ELP2: variants seen among roughly 807,000 people sequenced by gnomAD.
ELP2 encodes the protein elongator complex protein 2.
Under a neutral mutation model 119.2 loss-of-function variants are expected in ELP2, and 90 were observed. The observed-to-expected ratio is 0.75, with a 90% CI of 0.64 to 0.90. The LOEUF (loss-of-function observed/expected upper bound fraction) is 0.90, where lower values mean the gene tolerates loss of function less well. Among genes scored for constraint, ELP2 ranks in the 40% least tolerant of loss-of-function variants. The pLI is 0.00. For missense variants in ELP2, 921 were observed against 967.8 expected (o/e 0.95, Z 0.64); for synonymous variants, 339 against 331.0 (o/e 1.02, Z -0.26).
At chr18:36,171,209 G>A (rs1441745388) in intron 21 of ELP2, 49 bp downstream of exon 21, 1 of 1,320,722 alleles carries the variant, frequency 7.6e-7, no homozygotes, top group East Asian at 2.4e-5. Flanking sequence ...GAAATTGTGG[G>A]GTCTTTCATG....
chr18:36,175,989 CTG>C lies in ELP2; in HGVS notation c.*1352_*1353del. ...GTCAGTGCTATACAATATTTCTAAT[CTG>C]TGTTTTATAGTGTGAGCTACATATG... On this transcript the variant is annotated 3_prime_UTR_variant, in exon 22 of 22. Coordinates refer to ENST00000358232, the MANE Select transcript of ELP2 (RefSeq NM_018255.4). 1 of 152,176 alleles carries C rather than the reference CTG, an allele frequency of 6.6e-6. No individual in the cohort carries two copies. Among genetic ancestry groups the C allele is most frequent in the South Asian group, 2.1e-4 (1 of 4,802 alleles). The allele number at this position is 152,176 out of a possible 1,614,324, so 9.4% of individuals were successfully genotyped here. A position where few individuals can be genotyped will look rare whatever the true frequency, so the allele number is the denominator to read the frequency against.
chr18:36,133,453 G>A, intron 2 of ELP2, 137 bp downstream of exon 2: 2 of 712,690 alleles, frequency 2.8e-6, no homozygotes, highest in Non-Finnish European at 5.1e-6. Context: ...AAGAAAAATG[G>A]TATTCCCAGT....
chr18:36,133,276 C>T lies in ELP2; in HGVS notation c.177C>T (p.Ala59=). The T allele has an allele frequency of 1.2e-6, 2 of 1,613,950 alleles. No homozygotes were observed. Among genetic ancestry groups the T allele is most frequent in the South Asian group, 1.1e-5 (1 of 91,072 alleles). Residue 59 remains alanine (A), a synonymous_variant, in exon 2 of 22, where the codon GCC becomes GCT. Coordinates refer to ENST00000358232, the MANE Select transcript of ELP2 (RefSeq NM_018255.4). The part of the protein sequence containing the change: ...VVVTNLNGHT[A]RVNCIQWICK... ...TTACCAACTTGAATGGTCACACCGC[C>T]CGAGTCAATTGCATACAGTGGATTT...
intron 16 of ELP2, 127 bp downstream of exon 16, chr18:36,160,142 T>G (rs1390423649): frequency 1.2e-6 from 1 of 801,246 alleles, no homozygotes; most frequent in African/African-American, 1.7e-5. Flanking sequence ...CTTCTATATA[T>G]CTCTTAGTGG....
At chr18:36,172,489 G>T (rs1362429304) in intron 21 of ELP2, among the ~76,000 whole-genome samples, 1 of 152,172 alleles carries the variant, frequency 6.6e-6, no homozygotes, top group African/African-American at 2.4e-5. Flanking sequence ...AAGCATGTTA[G>T]TGCTCATTAT....
chr18:36,174,729 AGTTTCTGG>A lies in ELP2; in HGVS notation c.*93_*100del, dbSNP rs1045604662. On this transcript the variant is annotated 3_prime_UTR_variant, in exon 22 of 22. Transcript: ENST00000358232. ...CATCTTTACCTTCATAACTGAATTG[AGTTTCTGG>A]GTTTTTTTTTTTTTTGAGATGGAGT... The A allele has an allele frequency of 4.1e-5, 53 of 1,289,798 alleles. No homozygotes were observed. The highest frequency in any genetic ancestry group is 4.7e-5 in the Non-Finnish European group (44 of 926,522). The allele number at this position is 1,289,798 out of a possible 1,614,324, so 79.9% of individuals were successfully genotyped here.
rs2091268769 is a variant in ELP2, at chr18:36,178,350, G to C, written c.*3709G>C. 1 of 152,174 alleles carries C rather than the reference G, an allele frequency of 6.6e-6. No homozygotes were observed. Among genetic ancestry groups the C allele is most frequent in the African/African-American group, 2.4e-5 (1 of 41,432 alleles). The allele number at this position is 152,174 out of a possible 1,614,324, so 9.4% of individuals were successfully genotyped here. A position where few individuals can be genotyped will look rare whatever the true frequency, so the allele number is the denominator to read the frequency against. On this transcript the variant is annotated 3_prime_UTR_variant, in exon 22 of 22. Coordinates refer to ENST00000358232, the MANE Select transcript of ELP2 (RefSeq NM_018255.4). ...TAAGTGGTTACCAGGGGCTGGGAATGGGGAGAGGAGTGACTACAGAGGGAC... is the reference window on the plus strand; with the variant it reads ...TAAGTGGTTACCAGGGGCTGGGAATCGGGAGAGGAGTGACTACAGAGGGAC...
chr18:36,146,352 C>A lies in ELP2; in HGVS notation c.1096C>A (p.His366Asn). 6.2e-7 allele frequency: 1 copy of A among 1,614,026 alleles called. No homozygotes were observed. The highest frequency in any genetic ancestry group is 1.1e-5 in the South Asian group (1 of 91,070). The change falls in exon 11 of 22, where the codon CAC becomes AAC. Residue 366 changes from histidine (H) to asparagine (N), a missense_variant. Physicochemically the swap from His to Asn is moderately conservative, Grantham distance 68. Transcript: ENST00000358232. ...IIAHAFHGALHLWKQNTVNPR... is the reference protein window; with the variant it reads ...IIAHAFHGALNLWKQNTVNPR... The stretch of plus-strand genomic sequence containing the variant: ...TGCTCATGCTTTCCACGGAGCGTTG[C>A]ACCTTTGGAAACAGAATACAGTTAA...
At position 36,171,073 on chromosome 18, in the gene ELP2, G is replaced by C; in HGVS notation, c.2237G>C (p.Cys746Ser). The C allele has an allele frequency of 6.2e-7, 1 of 1,613,836 alleles. No individual in the cohort carries two copies. The highest frequency in any genetic ancestry group is 8.5e-7 in the Non-Finnish European group (1 of 1,179,664). Residue 746 changes from cysteine (C) to serine (S), a missense_variant, in exon 21 of 22, where the codon TGT (cysteine) becomes TCT (serine). By Grantham distance (112) the Cys-to-Ser change is moderately radical. Transcript: ENST00000358232. Reference sequence around the variant, plus strand: ...TACGTGGTTGCAGTAGGATTGGAGTGTGGAAAGATTTGCTTATATACCTGG... The same window carrying C: ...TACGTGGTTGCAGTAGGATTGGAGTCTGGAAAGATTTGCTTATATACCTGG... ...QRYVVAVGLE[C>S]GKICLYTWKK...
chr18:36,138,157 AACTTAGAGG>A, intron 3 of ELP2, 104 bp from the exon 4 acceptor site: 1 of 1,059,670 alleles, frequency 9.4e-7, no homozygotes, highest in Non-Finnish European at 1.4e-6. Flanking sequence ...AATTCTTTTC[AACTTAGAGG>A]ACCTATTTCT....
intron 11 of ELP2, among the ~76,000 whole-genome samples, chr18:36,153,135 C>T (rs1568001291): frequency 2.0e-5 from 3 of 152,236 alleles, no homozygotes; most frequent in Non-Finnish European, 4.4e-5. Flanking sequence ...TTATAGATAA[C>T]AGTGACCAAG....
chr18:36,155,557 CA>C (rs971695891), intron 12 of ELP2, among the ~76,000 whole-genome samples: 3 of 152,108 alleles, frequency 2.0e-5, no homozygotes, highest in African/African-American at 7.2e-5. Context: ...CTCTGGAAAA[CA>C]GTTGGACATT....
intron 3 of ELP2, 108 bp from the exon 4 acceptor site, chr18:36,138,162 A>G (rs2089897854): frequency 9.0e-7 from 1 of 1,114,716 alleles, no homozygotes; most frequent in South Asian, 1.4e-5. Flanking sequence ...TTTTCAACTT[A>G]GAGGACCTAT....
chr18:36,145,765 ATACCACAACCCAT>A (rs1428688949), intron 9 of ELP2, among the ~76,000 whole-genome samples, 170 bp from the exon 10 acceptor site: 8 of 152,366 alleles, frequency 5.3e-5, no homozygotes, highest in Admixed American at 4.6e-4. Context: ...TTGTCTGAAT[ATACCACAACCCAT>A]TTATCTCTTC....
intron 3 of ELP2, 49 bp downstream of exon 3, chr18:36,136,426 T>C: frequency 6.9e-7 from 1 of 1,457,002 alleles, no homozygotes. Flanking sequence ...TGTTCATTTG[T>C]TTTTTAAGAG....
At chr18:36,130,317 T>G (rs1382084698) in intron 1 of ELP2, among the ~76,000 whole-genome samples, 2 of 152,212 alleles carry the variant, frequency 1.3e-5, no homozygotes, top group Non-Finnish European at 2.9e-5. Context: ...AGTAACCTGT[T>G]AGTCCCACGC....
At chr18:36,172,339 G>A (rs1485344944) in intron 21 of ELP2, among the ~76,000 whole-genome samples, 2 of 152,054 alleles carry the variant, frequency 1.3e-5, no homozygotes, top group East Asian at 1.9e-4. Flanking sequence ...TTCAACCTTC[G>A]TATATCTGTA....
chr18:36,172,039 A>G (rs2091096831), intron 21 of ELP2, among the ~76,000 whole-genome samples: 1 of 152,176 alleles, frequency 6.6e-6, no homozygotes, highest in African/African-American at 2.4e-5. Flanking sequence ...TTCTTTAAAA[A>G]TGCCTAAATG....
rs1218544409 is a variant in ELP2, at chr18:36,156,587, C to T, written c.1397C>T (p.Ala466Val). ...GAAAAAGTTCTTCGGGTTTTTTCTG[C>T]ACCTCGGAATTTTGTGGAAAATTTT... ...ADEKVLRVFS[A>V]PRNFVENFCA... The change falls in exon 13 of 22, where the codon GCA becomes GTA. Residue 466 changes from alanine to valine, a missense_variant. Coordinates refer to ENST00000358232, the MANE Select transcript of ELP2 (RefSeq NM_018255.4). The T allele has an allele frequency of 1.2e-6, 2 of 1,613,938 alleles. No individual in the cohort carries two copies. Among genetic ancestry groups the T allele is most frequent in the African/African-American group, 1.3e-5 (1 of 74,878 alleles).
Sources: gnomAD v4.1 joint callset for allele counts (sites outside exome capture counted in the v4.1 genomes callset) on GRCh38, gnomAD v4.1.1 for gene constraint, MANE v1.5 for transcripts, NCBI Gene and HGNC (gene_info 2026-07-23, HGNC 2026-07-21) for gene names.